TTC6: variants seen among roughly 807,000 people sequenced by gnomAD.
The protein encoded by TTC6 is tetratricopeptide repeat domain 6.
Under a neutral mutation model 210.4 loss-of-function variants are expected in TTC6, and 172 were observed. That is an observed-to-expected ratio of 0.82 (90% confidence interval 0.72 to 0.93). The LOEUF is 0.93. Among genes scored for constraint, TTC6 ranks in the 40% least tolerant of loss-of-function variants. The probability of loss-of-function intolerance (pLI) is 0.00; values close to 1 mark genes in which losing one functional copy is unlikely to be tolerated. For synonymous variants in TTC6, 804 were observed against 819.6 expected, an observed-to-expected ratio of 0.98 and a Z score of 0.32; for missense variants, 2,414 against 2,318.1, an observed-to-expected ratio of 1.04 and a Z score of -0.85.
At chr14:37,690,114 C>T (rs1298676264) in intron 3 of TTC6, among the ~76,000 whole-genome samples, 2 of 151,920 alleles carry the variant, frequency 1.3e-5, no homozygotes, top group Non-Finnish European at 2.9e-5. Flanking sequence ...TTTCTGCTTG[C>T]TTGTTTGTGT....
intron 5 of TTC6, among the ~76,000 whole-genome samples, chr14:37,708,042 C>A (rs1376670935): frequency 1.3e-5 from 2 of 151,888 alleles, no homozygotes; most frequent in African/African-American, 2.4e-5. Flanking sequence ...CTTTTCCTAT[C>A]GGGTTTTCTA....
chr14:37,749,587 G>A (rs1047001762), intron 11 of TTC6, 127 bp from the exon 14 acceptor site: 78 of 1,027,906 alleles, frequency 7.6e-5, no homozygotes, highest in Non-Finnish European at 1.9e-5. Context: ...TTGTCAGATT[G>A]GGAGGTTTTA....
chr14:37,749,610 T>C (rs1349433525), intron 11 of TTC6, 104 bp from the exon 14 acceptor site: 2 of 1,034,728 alleles, frequency 1.9e-6, no homozygotes, highest in African/African-American at 1.7e-5. Context: ...TTATGTTACG[T>C]ACATACAAAG....
chr14:37,834,594 C>T (rs1164924827), intron 29 of TTC6, among the ~76,000 whole-genome samples: 2 of 151,398 alleles, frequency 1.3e-5, no homozygotes, highest in Non-Finnish European at 2.9e-5. Flanking sequence ...TTTTTTATTT[C>T]TTTGTATTGT....
intron 13 of TTC6, 57 bp downstream of exon 15, chr14:37,751,282 A>C: frequency 7.8e-7 from 1 of 1,281,246 alleles, no homozygotes; most frequent in Non-Finnish European, 1.0e-6. Context: ...CGATATCCTC[A>C]TGCAAATAGT....
At chr14:37,610,286 T>C (rs1312560473) in intron 2 of TTC6, among the ~76,000 whole-genome samples, 1 of 152,226 alleles carries the variant, frequency 6.6e-6, no homozygotes, top group African/African-American at 2.4e-5. Context: ...CTGAGAAACA[T>C]GTTGCCCTCT....
chr14:37,790,880 A>G, intron 16 of TTC6, 43 bp downstream of exon 18: 1 of 1,487,170 alleles, frequency 6.7e-7, no homozygotes, highest in South Asian at 1.3e-5. Flanking sequence ...GTTTTGTAAA[A>G]AATCGAAAAC....
At chr14:37,792,388 C>G (rs1566958036) in exon 17 of TTC6, 1 of 1,515,560 alleles carries the variant, frequency 6.6e-7, no homozygotes. Context: ...TCAAAGCTAT[C>G]TTTGTCGGGC....
chr14:37,769,095 G>A (rs1395544842), intron 14 of TTC6, among the ~76,000 whole-genome samples: 3 of 150,774 alleles, frequency 2.0e-5, no homozygotes, highest in Admixed American at 6.6e-5. Flanking sequence ...TTTATATGCT[G>A]GATTACATTT....
At chr14:37,806,326 T>C (rs1366492790) in intron 21 of TTC6, 35 bp from the exon 24 acceptor site, 7 of 1,520,600 alleles carry the variant, frequency 4.6e-6, no homozygotes, top group Non-Finnish European at 6.2e-6. Context: ...ATTATATCAC[T>C]AAATGGTTTG....
At chr14:37,731,934 A>T (rs752265893) in intron 7 of TTC6, among the ~76,000 whole-genome samples, 1 of 151,750 alleles carries the variant, frequency 6.6e-6, no homozygotes, top group South Asian at 2.1e-4. Context: ...TGTATGCTTA[A>T]TTTTTTGCCA....
intron 1 of TTC6, among the ~76,000 whole-genome samples, chr14:37,628,070 A>G (rs1025939659): frequency 3.9e-5 from 6 of 152,166 alleles, no homozygotes; most frequent in African/African-American, 1.4e-4. Context: ...TCCCAGGTTT[A>G]AGCAATTCTC....
At chr14:37,728,469 T>C (rs906842944) in intron 7 of TTC6, among the ~76,000 whole-genome samples, 17 of 152,290 alleles carry the variant, frequency 1.1e-4, no homozygotes, top group African/African-American at 3.1e-4. Context: ...AGTTTTACTT[T>C]CTGTGATTAG....
intron 14 of TTC6, among the ~76,000 whole-genome samples, chr14:37,785,200 A>C (rs1046038532): frequency 1.3e-5 from 2 of 152,168 alleles, no homozygotes; most frequent in Non-Finnish European, 2.9e-5. Context: ...TCTCCTGGAT[A>C]ATATCCTGAA....
At chr14:37,812,779 C>T (rs117650030) in intron 25 of TTC6, among the ~76,000 whole-genome samples, 1,943 of 152,156 alleles carry the variant, frequency 0.013, 28 homozygotes, top group Non-Finnish European at 0.019. Flanking sequence ...TCAAAATTTT[C>T]CTCTTTTCCC....
At chr14:37,621,186 C>T (rs1212818089), upstream of TTC6, among the ~76,000 whole-genome samples, 1 of 152,180 alleles carries the variant, frequency 6.6e-6, no homozygotes, top group Non-Finnish European at 1.5e-5. Flanking sequence ...AAACAGCTGT[C>T]TAGCCACAAG....
intron 7 of TTC6, among the ~76,000 whole-genome samples, chr14:37,732,680 A>T (rs1043044516): frequency 6.6e-6 from 1 of 151,272 alleles, no homozygotes; most frequent in African/African-American, 2.4e-5. Context: ...GTGCAGTGGC[A>T]CAATCTCGGC....
chr14:37,729,281 T>C (rs2095880012), intron 7 of TTC6, among the ~76,000 whole-genome samples: 1 of 152,214 alleles, frequency 6.6e-6, no homozygotes, highest in Non-Finnish European at 1.5e-5. Flanking sequence ...AAGTTAATGA[T>C]ATAAAGTGTA....
chr14:37,717,018 G>T (rs2095853841), intron 6 of TTC6, among the ~76,000 whole-genome samples: 1 of 151,910 alleles, frequency 6.6e-6, no homozygotes, highest in Non-Finnish European at 1.5e-5. Context: ...AGTTTCAAGG[G>T]ATTTAAAAAT....
Sources: gnomAD v4.1 joint callset for allele counts (sites outside exome capture counted in the v4.1 genomes callset) on GRCh38, gnomAD v4.1.1 for gene constraint, MANE v1.5 for transcripts, NCBI Gene and HGNC (gene_info 2026-07-23, HGNC 2026-07-21) for gene names.